Variants in PRIMPOL observed in about 807,000 individuals in gnomAD.
The protein encoded by PRIMPOL is DNA-directed primase/polymerase protein.
PRIMPOL carries 54 observed loss-of-function variants against 63.6 expected under a neutral mutation model. The observed-to-expected ratio is 0.85, with a 90% CI of 0.68 to 1.07. The LOEUF (loss-of-function observed/expected upper bound fraction) is 1.07. Ranked by LOEUF, PRIMPOL falls within the 50% of genes least tolerant of loss-of-function variation. The pLI is 0.00. For missense variants in PRIMPOL, 610 were observed against 648.3 expected (o/e 0.94, Z 0.64); for synonymous variants, 197 against 220.2 (o/e 0.89, Z 0.93).
At chr4:184,694,179 A>T in intron 13 of PRIMPOL, 1 of 1,027,188 alleles carries the variant, frequency 9.7e-7, no homozygotes, top group African/African-American at 1.7e-5. Context: ...CATTGTCAAG[A>T]TAGCAAATTT....
intron 2 of PRIMPOL, among the ~76,000 whole-genome samples, chr4:184,653,395 C>G (rs1000024343): frequency 6.6e-6 from 1 of 152,164 alleles, no homozygotes; most frequent in Admixed American, 6.5e-5. Flanking sequence ...AGCCTTTTTT[C>G]TAGCTTGACC....
At chr4:184,680,247 G>A (rs1410580245) in intron 8 of PRIMPOL, among the ~76,000 whole-genome samples, 1 of 152,070 alleles carries the variant, frequency 6.6e-6, no homozygotes, top group East Asian at 1.9e-4. Context: ...GAGTGCAGTG[G>A]TGCGATCTCA....
At chr4:184,682,152 T>C in intron 8 of PRIMPOL, 96 bp from the exon 9 acceptor site, 1 of 600,322 alleles carries the variant, frequency 1.7e-6, no homozygotes, top group South Asian at 2.5e-5. Flanking sequence ...AGGATTTTAA[T>C]GAGGAACTAT....
rs778039607 is a variant in PRIMPOL at position 184,657,103 on chromosome 4, C to T, written c.-38C>T. 37 of 1,388,974 alleles carry T rather than the reference C, an allele frequency of 2.7e-5. No individual in the cohort carries two copies. Among genetic ancestry groups the T allele is most frequent in the African/African-American group, 4.4e-5 (3 of 67,570 alleles). 86.0% of individuals were successfully genotyped at this position (1,388,974 alleles called of 1,614,324 possible). A position where few individuals can be genotyped will look rare whatever the true frequency, so the allele number is the denominator to read the frequency against. On this transcript the variant is annotated 5_prime_UTR_variant, in exon 3 of 14. The change creates a new upstream start codon in the 5' untranslated region. Coordinates refer to ENST00000314970, the MANE Select transcript of PRIMPOL (RefSeq NM_152683.4). ...TTAGTAGTAATTGATAGAAATATTA[C>T]GTGGGATAGGATTTATTCTCTCCAC...
chr4:184,675,028 A>T (rs1050208967), intron 7 of PRIMPOL, among the ~76,000 whole-genome samples: 2 of 152,198 alleles, frequency 1.3e-5, no homozygotes, highest in African/African-American at 4.8e-5. Context: ...ACGATGAAAA[A>T]TATGTGAGAA....
rs1346617572 is a variant in PRIMPOL at position 184,673,404 on chromosome 4, C to T, written c.844+944C>T. 2.0e-5 allele frequency among the ~76,000 whole-genome samples: 3 copies of T among 149,626 alleles called. No homozygotes were observed. In the East Asian group the frequency reaches 6.0e-4, roughly 30 times the overall value. The stretch of plus-strand genomic sequence containing the variant: ...TCGGCCTCCCAAAGTACTGGGATTA[C>T]AGGCATGAGCCACTGCGCCCAGCCT... On this transcript the variant is annotated intron_variant, in intron 7 of 13. Transcript: ENST00000314970.
At chr4:184,660,733 G>A (rs28413157) in intron 4 of PRIMPOL, among the ~76,000 whole-genome samples, 6,503 of 152,218 alleles carry the variant, frequency 0.043, 461 homozygotes, top group African/African-American at 0.15. Context: ...CTGCTACAGG[G>A]TGTGTATGTA....
chr4:184,678,817 C>G (rs1231058329), intron 8 of PRIMPOL, among the ~76,000 whole-genome samples: 1 of 150,632 alleles, frequency 6.6e-6, no homozygotes, highest in Admixed American at 6.6e-5. Context: ...TGTGAGCCAC[C>G]GCGCCCAGCC....
intron 7 of PRIMPOL, among the ~76,000 whole-genome samples, chr4:184,677,947 C>G (rs964750111): frequency 1.3e-5 from 2 of 152,194 alleles, no homozygotes; most frequent in Non-Finnish European, 2.9e-5. Context: ...CTTGGAAGCT[C>G]TCTGGTTGTC....
intron 6 of PRIMPOL, among the ~76,000 whole-genome samples, chr4:184,667,601 T>A (rs7679007): frequency 4.6e-5 from 7 of 152,132 alleles, no homozygotes; most frequent in Non-Finnish European, 1.0e-4. Context: ...TGAGCCACCG[T>A]GCCTGGCCGA....
chr4:184,658,591 A>T lies in PRIMPOL; in HGVS notation c.181-749A>T, dbSNP rs190352015. Among the ~76,000 whole-genome samples, 11 of 152,178 alleles carry T rather than the reference A, an allele frequency of 7.2e-5. No homozygotes were observed. The East Asian group carries it at 1.2e-3, about 16-fold the overall frequency. ...CATGAGCAGTTATATTTAAACAACT[A>T]CCGCAGTAATTAACCTTTAAAAAAA... On this transcript the variant is annotated intron_variant, in intron 3 of 13. Transcript: ENST00000314970.
At position 184,672,153 on chromosome 4, in the gene PRIMPOL, A is replaced by T; in HGVS notation, c.557-20A>T. ...TGTGTGGAGAAGATCCAGGTGAATG[A>T]TAATAGCTTTTTTCCTTAGGTAATT... On this transcript the variant is annotated intron_variant, in intron 6 of 13. Transcript: ENST00000314970. 6.3e-7 allele frequency: 1 copy of T among 1,596,406 alleles called. No individual in the cohort carries two copies. Among genetic ancestry groups the T allele is most frequent in the Non-Finnish European group, 8.5e-7 (1 of 1,171,316 alleles).
intron 2 of PRIMPOL, among the ~76,000 whole-genome samples, chr4:184,656,461 C>G (rs1746474326): frequency 6.6e-6 from 1 of 152,032 alleles, no homozygotes; most frequent in African/African-American, 2.4e-5. Context: ...TATTGCCTGG[C>G]CCCCTTACTC....
chr4:184,692,471 C>CAAAAAAAAAAAAAAAAAAAAAAAAAAAAA, intron 13 of PRIMPOL, among the ~76,000 whole-genome samples: 1 of 73,806 alleles, frequency 1.4e-5, no homozygotes. Context: ...GACTCTGCCT[C>CAAAAAAAAAAAAAAAAAAAAAAAAAAAAA]AAAAAAAAAA....
intron 7 of PRIMPOL, among the ~76,000 whole-genome samples, chr4:184,673,520 G>C (rs543256592): frequency 6.6e-6 from 1 of 151,276 alleles, no homozygotes; most frequent in African/African-American, 2.4e-5. Context: ...CGCCTCCCGG[G>C]TTCAAACGAT....
chr4:184,691,548 C>T lies in PRIMPOL; in HGVS notation c.1345C>T (p.Pro449Ser), dbSNP rs1383607565. ...AGTTTGGTATCAAAAATGTCATGAC[C>T]CTGTATGTAAAGCAGAAAACTTCAA... ...NEVWYQKCHD[P>S]VCKAENFKSD... Residue 449 changes from proline to serine, a missense_variant, in exon 12 of 14, where the codon CCT (proline) becomes TCT (serine). Transcript: ENST00000314970. The T allele has an allele frequency of 6.2e-7, 1 of 1,607,964 alleles. No individual in the cohort carries two copies. Among genetic ancestry groups the T allele is most frequent in the Admixed American group, 1.7e-5 (1 of 59,880 alleles).
At chr4:184,674,276 T>C (rs1752709646) in intron 7 of PRIMPOL, among the ~76,000 whole-genome samples, 1 of 152,204 alleles carries the variant, frequency 6.6e-6, no homozygotes, top group Non-Finnish European at 1.5e-5. Flanking sequence ...GATTTCATAA[T>C]ATATGCTGAA....
Position 184,657,217 on chromosome 4 carries a change from C to T in PRIMPOL, c.77C>T (p.Ser26Leu). The T allele has an allele frequency of 1.2e-6, 2 of 1,613,734 alleles. No homozygotes were observed. The highest frequency in any genetic ancestry group is 1.1e-5 in the South Asian group (1 of 90,990). Residue 26 changes from serine (S) to leucine (L), a missense_variant, in exon 3 of 14, where the codon TCA (serine) becomes TTA (leucine). This residue lies in a region of PRIMPOL where 159 missense variants were observed against 168.9 expected (regional missense o/e 0.94). Transcript: ENST00000314970. Reference sequence around the variant, plus strand: ...CATTATGAGAGGAAACCGTTGTCCTCAGTGTATAGACCAAGATTGTCCAAG... The same window carrying T: ...CATTATGAGAGGAAACCGTTGTCCTTAGTGTATAGACCAAGATTGTCCAAG... Reference protein sequence around the residue: ...ASHYERKPLSSVYRPRLSKPE... With the variant: ...ASHYERKPLSLVYRPRLSKPE...
At chr4:184,685,370 T>C in intron 9 of PRIMPOL, 39 bp from the exon 10 acceptor site, 1 of 1,416,662 alleles carries the variant, frequency 7.1e-7, no homozygotes, top group South Asian at 1.2e-5. Context: ...TTCTCAACTT[T>C]CAGCTATTGT....
Sources: gnomAD v4.1 joint callset for allele counts (sites outside exome capture counted in the v4.1 genomes callset) on GRCh38, gnomAD v4.1.1 for gene constraint, gnomAD v4.1.1 regional missense constraint, MANE v1.5 for transcripts, NCBI Gene and HGNC (gene_info 2026-07-23, HGNC 2026-07-21) for gene names.